The following CDH13 variants were observed in gnomAD, a reference collection of about 807,000 sequenced individuals.
CDH13 encodes cadherin-13.
Under a neutral mutation model 63.8 loss-of-function variants are expected in CDH13, and 24 were observed. The ratio of observed to expected loss-of-function variants is 0.38; its 90% CI spans 0.27 to 0.53. The LOEUF (loss-of-function observed/expected upper bound fraction) is 0.53. Among genes scored for constraint, CDH13 ranks in the 20% least tolerant of loss-of-function variants. The pLI, the probability that CDH13 is intolerant of heterozygous loss-of-function variation, is 0.85. For synonymous variants in CDH13, 503 were observed against 355.3 expected (o/e 1.42, Z -4.67); for missense variants, 1,049 against 903.1 (o/e 1.16, Z -2.07).
At chr16:83,386,933 A>G (rs762071447) in intron 6 of CDH13, among the ~76,000 whole-genome samples, 6 of 152,160 alleles carry the variant, frequency 3.9e-5, no homozygotes, top group Non-Finnish European at 8.8e-5. Context: ...TGCATCTAGA[A>G]AGCCAAAGTT....
At chr16:83,359,504 C>G (rs1332687556) in intron 6 of CDH13, among the ~76,000 whole-genome samples, 4 of 152,092 alleles carry the variant, frequency 2.6e-5, no homozygotes, top group Non-Finnish European at 4.4e-5. Context: ...ACTCTAGAGA[C>G]CCATGGAGCT....
chr16:82,915,624 G>A (rs1359057601), intron 2 of CDH13, among the ~76,000 whole-genome samples: 1 of 151,898 alleles, frequency 6.6e-6, no homozygotes, highest in African/African-American at 2.4e-5. Flanking sequence ...TCCCAAACTG[G>A]ATGGCATGTC....
intron 5 of CDH13, among the ~76,000 whole-genome samples, chr16:83,278,243 A>G (rs551650291): frequency 1.3e-5 from 2 of 152,342 alleles, no homozygotes; most frequent in South Asian, 4.1e-4. Context: ...GATCATAGAT[A>G]TGACTCCTTT....
intron 10 of CDH13, among the ~76,000 whole-genome samples, chr16:83,737,045 G>T (rs551953891): frequency 1.8e-4 from 27 of 152,150 alleles, no homozygotes; most frequent in Non-Finnish European, 3.1e-4. Flanking sequence ...TAGAGAGTCC[G>T]CAGAAAAGGG....
chr16:83,557,262 T>A (rs1338840859), intron 7 of CDH13, among the ~76,000 whole-genome samples: 1 of 152,166 alleles, frequency 6.6e-6, no homozygotes, highest in Non-Finnish European at 1.5e-5. Context: ...GAAAACAAGC[T>A]CAGGACTCCC....
At chr16:83,525,104 C>T (rs1361372856) in intron 7 of CDH13, among the ~76,000 whole-genome samples, 2 of 152,194 alleles carry the variant, frequency 1.3e-5, no homozygotes, top group East Asian at 1.9e-4. Flanking sequence ...GAAAACCTCT[C>T]TCTCCCGGTG....
At chr16:83,538,806 A>G (rs967932480) in intron 7 of CDH13, among the ~76,000 whole-genome samples, 2 of 152,228 alleles carry the variant, frequency 1.3e-5, no homozygotes, top group African/African-American at 4.8e-5. Flanking sequence ...ATGTACAAGT[A>G]TTTATCCAGC....
intron 11 of CDH13, among the ~76,000 whole-genome samples, chr16:83,749,627 G>A (rs1168009342): frequency 2.6e-5 from 4 of 152,286 alleles, no homozygotes; most frequent in South Asian, 2.1e-4. Context: ...AAACTGACAC[G>A]ATGAAATATC....
At chr16:83,293,265 T>A (rs937529822) in intron 5 of CDH13, among the ~76,000 whole-genome samples, 1 of 152,184 alleles carries the variant, frequency 6.6e-6, no homozygotes, top group Admixed American at 6.5e-5. Flanking sequence ...AAATTATTTT[T>A]AATAGTAAGC....
chr16:83,484,943 G>C (rs1347381009), intron 6 of CDH13, among the ~76,000 whole-genome samples: 1 of 152,196 alleles, frequency 6.6e-6, no homozygotes, highest in East Asian at 1.9e-4. Context: ...ACAGAACCAT[G>C]TTGTTCCTGC....
chr16:83,340,102 A>G (rs963682048), intron 5 of CDH13, among the ~76,000 whole-genome samples: 5 of 152,190 alleles, frequency 3.3e-5, no homozygotes, highest in African/African-American at 4.8e-5. Flanking sequence ...TCACTTTTCA[A>G]TTAATAACCA....
intron 7 of CDH13, among the ~76,000 whole-genome samples, chr16:83,520,678 C>T (rs899082740): frequency 1.3e-5 from 2 of 152,160 alleles, no homozygotes; most frequent in African/African-American, 2.4e-5. Context: ...GCTTCTCAGC[C>T]TGGAAAATTG....
chr16:83,537,068 G>A (rs1567746662), intron 7 of CDH13, among the ~76,000 whole-genome samples: 1 of 152,196 alleles, frequency 6.6e-6, no homozygotes, highest in East Asian at 1.9e-4. Context: ...GCAGCTGTGG[G>A]GATTCGAGCA....
intron 1 of CDH13, among the ~76,000 whole-genome samples, chr16:82,830,037 A>G (rs891693814): frequency 1.3e-5 from 2 of 152,212 alleles, no homozygotes; most frequent in East Asian, 1.9e-4. Context: ...TTTCATAGAT[A>G]TATCTCATTT....
At chr16:82,690,428 C>G (rs1001065133) in intron 1 of CDH13, among the ~76,000 whole-genome samples, 1 of 152,086 alleles carries the variant, frequency 6.6e-6, no homozygotes, top group African/African-American at 2.4e-5. Flanking sequence ...GAGTCATGTT[C>G]TCTGTGGAAT....
chr16:83,310,423 A>C (rs915289373), intron 5 of CDH13, among the ~76,000 whole-genome samples: 1 of 152,236 alleles, frequency 6.6e-6, no homozygotes, highest in Non-Finnish European at 1.5e-5. Flanking sequence ...CATACATACA[A>C]ATATATGTAA....
At chr16:82,947,583 A>G (rs1335504584) in intron 2 of CDH13, among the ~76,000 whole-genome samples, 1 of 152,206 alleles carries the variant, frequency 6.6e-6, no homozygotes, top group Non-Finnish European at 1.5e-5. Flanking sequence ...AATTTTACAA[A>G]AAGACATTTT....
intron 2 of CDH13, among the ~76,000 whole-genome samples, chr16:82,953,032 A>C (rs543058411): frequency 1.3e-5 from 2 of 152,320 alleles, no homozygotes; most frequent in Admixed American, 1.3e-4. Context: ...ATTTGTTTTA[A>C]GCGATAGAGA....
At chr16:82,755,107 G>A (rs1023222479) in intron 1 of CDH13, among the ~76,000 whole-genome samples, 3 of 152,152 alleles carry the variant, frequency 2.0e-5, no homozygotes, top group African/African-American at 7.2e-5. Context: ...GGCATGGGTC[G>A]ACCTGATAAA....
Sources: allele counts gnomAD v4.1 joint callset (sites outside exome capture counted in the v4.1 genomes callset), GRCh38; gene constraint gnomAD v4.1.1; transcripts MANE v1.5; gene names NCBI Gene and HGNC (gene_info 2026-07-23, HGNC 2026-07-21).